Variants in EDEM3 observed in about 807,000 individuals in gnomAD.
EDEM3 encodes ER degradation enhancing alpha-mannosidase like protein 3, also known as ER degradation-enhancing alpha-mannosidase-like protein 3.
A neutral mutation model predicts 110.2 loss-of-function variants in EDEM3; 60 were observed. That is an observed-to-expected ratio of 0.54 (90% CI 0.44 to 0.67). The LOEUF is 0.67. EDEM3 is among the 30% of genes least tolerant of loss of function. The pLI is 0.00. For missense variants in EDEM3, 996 were observed against 1,121.0 expected (o/e 0.89, Z 1.59); for synonymous variants, 352 against 382.9 (o/e 0.92, Z 0.94).
intron 13 of EDEM3, among the ~76,000 whole-genome samples, chr1:184,714,614 T>C (rs1310028093): frequency 6.6e-6 from 1 of 152,068 alleles, no homozygotes; most frequent in Admixed American, 6.5e-5. Flanking sequence ...AAGGCACTGG[T>C]TGGGGTCCAA....
rs371031938 is a variant in EDEM3 at position 184,714,800 on chromosome 1, T to TA, written c.1370+2087dup. 1.8e-4 allele frequency among the ~76,000 whole-genome samples: 27 copies of TA among 151,986 alleles called. 1 individual carries two copies. In the South Asian group the frequency reaches 5.4e-3, roughly 30 times the overall value. On this transcript the variant is annotated intron_variant, in intron 13 of 19. Coordinates refer to ENST00000318130, the MANE Select transcript of EDEM3 (RefSeq NM_025191.4). The stretch of plus-strand genomic sequence containing the variant: ...AAATATAAAAGTTCTAAGTTTACAC[T>TA]AAAAAAAAGAAAACTTGGCTGCTCA...
At chr1:184,723,105 T>C (rs749888830) in intron 8 of EDEM3, among the ~76,000 whole-genome samples, 1 of 152,054 alleles carries the variant, frequency 6.6e-6, no homozygotes, top group African/African-American at 2.4e-5. Flanking sequence ...TGTTTTGTAT[T>C]ATTCCTCAGA....
chr1:184,729,179 G>A (rs1159927511), intron 6 of EDEM3, among the ~76,000 whole-genome samples: 1 of 152,118 alleles, frequency 6.6e-6, no homozygotes, highest in Non-Finnish European at 1.5e-5. Context: ...AAGAAAAAAA[G>A]AGATGAAAGT....
intron 15 of EDEM3, among the ~76,000 whole-genome samples, chr1:184,711,219 T>C (rs937200414): frequency 2.6e-5 from 4 of 152,014 alleles, no homozygotes; most frequent in Non-Finnish European, 5.9e-5. Context: ...CTGCCTCAGC[T>C]TCCCGAGTAG....
intron 6 of EDEM3, among the ~76,000 whole-genome samples, chr1:184,731,444 G>C (rs879598528): frequency 2.0e-5 from 3 of 152,058 alleles, no homozygotes; most frequent in Admixed American, 2.0e-4. Context: ...CAACTTCAAG[G>C]CTCTGTTTGC....
At position 184,754,519 on chromosome 1, in the gene EDEM3, G is replaced by C; in HGVS notation, c.128C>G (p.Pro43Arg). ...CTTCTGTTTCTCCTCCCTACTCATGGGCTCGGCCCCCGCCGTCCACACGGA... is the reference window on the plus strand; with the variant it reads ...CTTCTGTTTCTCCTCCCTACTCATGCGCTCGGCCCCCGCCGTCCACACGGA... Reference protein sequence around the residue: ...ATSVWTAGAEPMSREEKQKLG... With the variant: ...ATSVWTAGAERMSREEKQKLG... Residue 43 changes from proline (P) to arginine (R), a missense_variant, in exon 1 of 20, where the codon CCC becomes CGC. Transcript: ENST00000318130. 2 of 1,613,148 alleles carry C rather than the reference G, an allele frequency of 1.2e-6. No homozygotes were observed. The highest frequency in any genetic ancestry group is 1.7e-6 in the Non-Finnish European group (2 of 1,179,800).
At position 184,703,343 on chromosome 1, in the gene EDEM3, AT is replaced by A. The variant is rs1649733696; in HGVS notation, c.2204-348del. 2.0e-5 allele frequency among the ~76,000 whole-genome samples: 3 copies of A among 152,196 alleles called. No individual in the cohort carries two copies. In the South Asian group the frequency reaches 6.2e-4, roughly 32 times the overall value. ...GAATTCTATGATTATGACTATAAAA[AT>A]TTCATATGCTTATGGAAAAGCCTAG... On this transcript the variant is annotated intron_variant, in intron 18 of 19. Coordinates refer to ENST00000318130, the MANE Select transcript of EDEM3 (RefSeq NM_025191.4).
chr1:184,733,047 T>C, intron 5 of EDEM3, 57 bp from the exon 6 acceptor site: 1 of 1,519,466 alleles, frequency 6.6e-7, no homozygotes, highest in Non-Finnish European at 8.9e-7. Context: ...AAAGTTACCA[T>C]CTAAAAAGGT....
At chr1:184,725,326 T>C (rs939999035) in intron 7 of EDEM3, among the ~76,000 whole-genome samples, 5 of 152,146 alleles carry the variant, frequency 3.3e-5, no homozygotes, top group African/African-American at 1.2e-4. Flanking sequence ...GTCATACTCT[T>C]TGAGCCTTAT....
In EDEM3 at chr1:184,693,572, G is replaced by C. The variant is rs554893442; in HGVS notation, c.*491C>G. The C allele has an allele frequency of 6.5e-6, 1 of 153,450 alleles. No homozygotes were observed. Among genetic ancestry groups the C allele is most frequent in the Non-Finnish European group, 1.5e-5 (1 of 68,846 alleles). 9.5% of individuals were successfully genotyped at this position (153,450 alleles called of 1,614,324 possible). The stretch of plus-strand genomic sequence containing the variant: ...AATGCATTTGCTTCATAACCACTTA[G>C]GTCACTTAGAGTGTTTTGTGAAGGC... On this transcript the variant is annotated 3_prime_UTR_variant, in exon 20 of 20. Coordinates refer to ENST00000318130, the MANE Select transcript of EDEM3 (RefSeq NM_025191.4).
At position 184,693,142 on chromosome 1, in the gene EDEM3, T is replaced by C. The variant is rs887632974; in HGVS notation, c.*921A>G. Reference sequence around the variant, plus strand: ...CTCAAATTGCATACCAAACATGGGATGGAGTAAGGCTGATGGCTAGAGGTA... The same window carrying C: ...CTCAAATTGCATACCAAACATGGGACGGAGTAAGGCTGATGGCTAGAGGTA... On this transcript the variant is annotated 3_prime_UTR_variant, in exon 20 of 20. Transcript: ENST00000318130. 1.9e-5 allele frequency: 3 copies of C among 155,126 alleles called. No homozygotes were observed. The highest frequency in any genetic ancestry group is 6.6e-5 in the Admixed American group (1 of 15,266). 9.6% of individuals were successfully genotyped at this position (155,126 alleles called of 1,614,324 possible).
chr1:184,701,965 A>G (rs973143536), intron 19 of EDEM3, among the ~76,000 whole-genome samples: 2 of 152,052 alleles, frequency 1.3e-5, no homozygotes, highest in Non-Finnish European at 2.9e-5. Flanking sequence ...ATATCTGTCA[A>G]ACACCCCAGG....
intron 9 of EDEM3, 130 bp downstream of exon 9, chr1:184,721,159 G>A (rs927741939): frequency 3.5e-5 from 25 of 711,812 alleles, no homozygotes; most frequent in Non-Finnish European, 5.1e-5. Context: ...AACATCATCA[G>A]GAAATACTGA....
At chr1:184,725,176 T>A (rs1270533107) in intron 7 of EDEM3, among the ~76,000 whole-genome samples, 1 of 148,326 alleles carries the variant, frequency 6.7e-6, no homozygotes, top group Non-Finnish European at 1.5e-5. Context: ...TATTCAAGAA[T>A]TTTTTTTTTT....
chr1:184,710,060 A>T (rs926885761), intron 16 of EDEM3, among the ~76,000 whole-genome samples: 2 of 152,182 alleles, frequency 1.3e-5, no homozygotes, highest in African/African-American at 4.8e-5. Flanking sequence ...ATTAAAACTA[A>T]TTACTAGTTT....
At chr1:184,710,753 T>G (rs1481723186) in intron 15 of EDEM3, among the ~76,000 whole-genome samples, 1 of 152,214 alleles carries the variant, frequency 6.6e-6, no homozygotes, top group South Asian at 2.1e-4. Context: ...TTATAAAAGT[T>G]TGTATATTAT....
chr1:184,701,678 A>G (rs1011352385), intron 19 of EDEM3: 7 of 473,680 alleles, frequency 1.5e-5, no homozygotes, highest in African/African-American at 6.2e-5. Flanking sequence ...AGTTTAGAAA[A>G]GGGCCCAGGA....
Position 184,749,573 on chromosome 1 carries a change from A to G in EDEM3, c.178T>C (p.Phe60Leu). 6.4e-7 allele frequency: 1 copy of G among 1,574,590 alleles called. No individual in the cohort carries two copies. The highest frequency in any genetic ancestry group is 8.6e-7 in the Non-Finnish European group (1 of 1,160,834). ...QKLGNQVLEM[F>L]DHAYGNYMEH... Reference sequence around the variant, plus strand: ...ATATAGTTACCATAAGCATGATCAAACATTTCCAGTACTTGATTCCTAATT... The same window carrying G: ...ATATAGTTACCATAAGCATGATCAAGCATTTCCAGTACTTGATTCCTAATT... Residue 60 changes from phenylalanine (F) to leucine (L), a missense_variant, in exon 2 of 20, where the codon TTT (phenylalanine) becomes CTT (leucine). Phe to Leu is a conservative substitution (Grantham distance 22, BLOSUM62 0). This residue lies in a region of EDEM3 where 200 missense variants were observed against 183.8 expected (regional missense o/e 1.09). Coordinates refer to ENST00000318130, the MANE Select transcript of EDEM3 (RefSeq NM_025191.4).
chr1:184,723,865 TA>T lies in EDEM3; in HGVS notation c.748-10del, dbSNP rs71101940. Reference sequence around the variant, plus strand: ...GCTTTTCTGGCATATTCCTGTAATTTAAAAAAAAAAAAAAAAAAAAGAAGTG... The same window carrying T: ...GCTTTTCTGGCATATTCCTGTAATTTAAAAAAAAAAAAAAAAAAAGAAGTG... On this transcript the variant is annotated splice_polypyrimidine_tract_variant and intron_variant, in intron 7 of 19. Coordinates refer to ENST00000318130, the MANE Select transcript of EDEM3 (RefSeq NM_025191.4). 0.093 allele frequency: 99,439 copies of T among 1,065,278 alleles called. No individual in the cohort carries two copies. Among genetic ancestry groups the T allele is most frequent in the South Asian group, 0.12 (6,222 of 50,530 alleles). 66.0% of individuals were successfully genotyped at this position (1,065,278 alleles called of 1,614,324 possible). A position where few individuals can be genotyped will look rare whatever the true frequency, so the allele number is the denominator to read the frequency against.
Sources: allele counts gnomAD v4.1 joint callset (sites outside exome capture counted in the v4.1 genomes callset), GRCh38; gene constraint gnomAD v4.1.1; regional missense constraint gnomAD v4.1.1; transcripts MANE v1.5; gene names NCBI Gene and HGNC (gene_info 2026-07-23, HGNC 2026-07-21).